SAMD5: variants seen among roughly 807,000 people sequenced by gnomAD.
SAMD5 encodes the protein sterile alpha motif domain containing 5.
SAMD5 carries 13 observed loss-of-function variants against 11.3 expected under a neutral mutation model. That is an observed-to-expected ratio of 1.15 (90% CI 0.75 to 1.83). The LOEUF is 1.83. Among genes scored for constraint, SAMD5 ranks in the 40% most tolerant of loss-of-function variants. The pLI is 0.00. For missense variants in SAMD5, 255 were observed against 239.1 expected (o/e 1.07, Z -0.44); for synonymous variants, 129 against 111.3 (o/e 1.16, Z -1.00).
chr6:147,565,814 C>T lies in SAMD5; in HGVS notation c.*1358C>T. ...GAAAACGCAACCATGTTGATGGGAC[C>T]AAAAACTTAGTTGAAAGAAGCCATG... On this transcript the variant is annotated 3_prime_UTR_variant, in exon 2 of 2. Coordinates refer to ENST00000367474, the MANE Select transcript of SAMD5 (RefSeq NM_001030060.3). 2.0e-6 allele frequency: 2 copies of T among 985,330 alleles called. No individual in the cohort carries two copies. Among genetic ancestry groups the T allele is most frequent in the Non-Finnish European group, 2.4e-6 (2 of 829,904 alleles). The allele number at this position is 985,330 out of a possible 1,614,324, so 61.0% of individuals were successfully genotyped here.
chr6:147,899,879 G>T, the SAMD5 span, among the ~76,000 whole-genome samples: 80,589 of 152,018 alleles, frequency 0.53, 23,028 homozygotes, highest in African/African-American at 0.75. Context: ...AATTTTTTTA[G>T]CTGGGCCCCT....
the SAMD5 span, among the ~76,000 whole-genome samples, chr6:147,868,088 T>C: frequency 6.6e-6 from 1 of 152,232 alleles, no homozygotes; most frequent in African/African-American, 2.4e-5. Context: ...AAGCTAGAAA[T>C]ATCATTAGAA....
intron 1 of SAMD5, among the ~76,000 whole-genome samples, chr6:147,673,571 C>A (rs4896938): frequency 0.077 from 11,699 of 151,950 alleles, 596 homozygotes; most frequent in South Asian, 0.2. Flanking sequence ...GATACTTGTG[C>A]GGACACTTCC....
At chr6:147,773,763 G>C in the SAMD5 span, among the ~76,000 whole-genome samples, 1 of 152,072 alleles carries the variant, frequency 6.6e-6, no homozygotes, top group African/African-American at 2.4e-5. Context: ...GTCAACATAT[G>C]AATGATCTGG....
intron 1 of SAMD5, among the ~76,000 whole-genome samples, chr6:147,535,986 A>C (rs1234259145): frequency 1.3e-5 from 2 of 151,232 alleles, no homozygotes; most frequent in East Asian, 3.9e-4. Context: ...AAAATAACCA[A>C]GTTTTTTTTT....
the SAMD5 span, among the ~76,000 whole-genome samples, chr6:147,783,092 A>G: frequency 2.1e-3 from 319 of 152,238 alleles, no homozygotes; most frequent in African/African-American, 7.4e-3. Context: ...AATAATACAA[A>G]TCTTCATATT....
the SAMD5 span, among the ~76,000 whole-genome samples, chr6:147,931,708 A>AT: frequency 6.6e-6 from 1 of 152,230 alleles, no homozygotes; most frequent in Non-Finnish European, 1.5e-5. Flanking sequence ...GCAAGGAAAC[A>AT]TGCTGCCAGT....
In SAMD5 at chr6:147,508,933, G is replaced by T; in HGVS notation, c.5G>T (p.Cys2Phe). Reference protein sequence around the residue: MCTNIVYEWLKA... With the variant: MFTNIVYEWLKA... Reference sequence around the variant, plus strand: ...GGCGGGGTTCCCGGTCCCACCATGTGCACCAACATAGTTTACGAGTGGCTC... The same window carrying T: ...GGCGGGGTTCCCGGTCCCACCATGTTCACCAACATAGTTTACGAGTGGCTC... The change falls in exon 1 of 2, where the codon TGC becomes TTC. Residue 2 changes from cysteine (C) to phenylalanine (F), a missense_variant. Physicochemically the swap from Cys to Phe is radical, Grantham distance 205. Transcript: ENST00000367474. 5 of 1,592,348 alleles carry T rather than the reference G, an allele frequency of 3.1e-6. No homozygotes were observed. The highest frequency in any genetic ancestry group is 4.3e-6 in the Non-Finnish European group (5 of 1,170,212).
At chr6:147,693,319 C>T (rs1190017745) in intron 1 of SAMD5, among the ~76,000 whole-genome samples, 3 of 152,214 alleles carry the variant, frequency 2.0e-5, no homozygotes, top group African/African-American at 7.2e-5. Context: ...AGGTTGCTTG[C>T]AGTCTTTCAC....
the SAMD5 span, among the ~76,000 whole-genome samples, chr6:147,822,163 G>A: frequency 6.6e-6 from 1 of 152,092 alleles, no homozygotes; most frequent in Non-Finnish European, 1.5e-5. Flanking sequence ...AATCCAGTTG[G>A]CACTAACAAC....
chr6:147,509,459 G>C, intron 1 of SAMD5, 72 bp downstream of exon 1: 1 of 1,375,028 alleles, frequency 7.3e-7, no homozygotes, highest in South Asian at 1.4e-5. Flanking sequence ...CTGTGCCAAG[G>C]CTTTGCAACC....
chr6:147,797,825 A>G, the SAMD5 span, among the ~76,000 whole-genome samples: 1 of 149,532 alleles, frequency 6.7e-6, no homozygotes, highest in South Asian at 2.1e-4. Flanking sequence ...GAATGTATCC[A>G]TTTCTTCTAG....
intron 1 of SAMD5, among the ~76,000 whole-genome samples, chr6:147,717,539 G>A (rs1289691958): frequency 6.6e-6 from 1 of 152,186 alleles, no homozygotes; most frequent in Non-Finnish European, 1.5e-5. Flanking sequence ...CACTCTGTCA[G>A]AACAAGGGAA....
rs1583130546 is a variant in SAMD5, at chr6:147,664,971, A to T, written c.163-72346A>T. Among the ~76,000 whole-genome samples the T allele has an allele frequency of 3.3e-5, 5 of 152,170 alleles. 1 individual carries two copies. Among genetic ancestry groups the T allele is most frequent in the Admixed American group, 3.3e-4 (5 of 15,276 alleles). Reference sequence around the variant, plus strand: ...CTTTACAAAATTTACCTAGGTAGCAATTTCTTTAGTGTCTCCCAAGATTGT... The same window carrying T: ...CTTTACAAAATTTACCTAGGTAGCATTTTCTTTAGTGTCTCCCAAGATTGT... On this transcript the variant is annotated intron_variant, in intron 1 of 1. Transcript: ENST00000566741.
intron 1 of SAMD5, among the ~76,000 whole-genome samples, chr6:147,646,143 C>T (rs1004783613): frequency 6.6e-6 from 1 of 151,982 alleles, no homozygotes; most frequent in South Asian, 2.1e-4. Flanking sequence ...CCTGTGCAGT[C>T]AAAAATTCAA....
chr6:147,788,777 T>G, the SAMD5 span, among the ~76,000 whole-genome samples: 2 of 152,250 alleles, frequency 1.3e-5, no homozygotes, highest in African/African-American at 4.8e-5. Flanking sequence ...AATTTTGATT[T>G]GAGGCCTATT....
At chr6:147,572,998 G>A (rs1789158994), downstream of SAMD5, among the ~76,000 whole-genome samples, 1 of 152,184 alleles carries the variant, frequency 6.6e-6, no homozygotes, top group Non-Finnish European at 1.5e-5. Context: ...ATTCAGATCT[G>A]ACTTTGAATC....
rs532728573 is a variant in SAMD5 at position 147,643,587 on chromosome 6, C to T, written c.163-93730C>T. 4.6e-5 allele frequency among the ~76,000 whole-genome samples: 7 copies of T among 152,254 alleles called. No homozygotes were observed. The South Asian group carries it at 1.5e-3, about 32-fold the overall frequency. ...TCTCCCAAATTCATTAGACTTACCACTTATTTACCAATCAGAAGTTATTTT... is the reference window on the plus strand; with the variant it reads ...TCTCCCAAATTCATTAGACTTACCATTTATTTACCAATCAGAAGTTATTTT... On this transcript the variant is annotated intron_variant, in intron 1 of 1. Transcript: ENST00000566741.
At chr6:147,631,648 C>G (rs1294088228) in intron 1 of SAMD5, among the ~76,000 whole-genome samples, 1 of 152,168 alleles carries the variant, frequency 6.6e-6, no homozygotes, top group Non-Finnish European at 1.5e-5. Context: ...GTGAACTTCT[C>G]AGACCCTGTG....
Sources: gnomAD v4.1 joint callset for allele counts (sites outside exome capture counted in the v4.1 genomes callset) on GRCh38, gnomAD v4.1.1 for gene constraint, MANE v1.5 for transcripts, NCBI Gene and HGNC (gene_info 2026-07-23, HGNC 2026-07-21) for gene names.